Variants in GRM3 observed in about 807,000 individuals in gnomAD.
The protein encoded by GRM3 is metabotropic glutamate receptor 3.
GRM3 carries 26 observed loss-of-function variants against 70.5 expected under a neutral mutation model. That is an observed-to-expected ratio of 0.37 (90% CI 0.27 to 0.51). The LOEUF is 0.51. Ranked by LOEUF, GRM3 falls within the 20% of genes least tolerant of loss-of-function variation. The probability of loss-of-function intolerance (pLI) is 0.93; values close to 1 mark genes in which losing one functional copy is unlikely to be tolerated. For synonymous variants in GRM3, 443 were observed against 434.9 expected (o/e 1.02, Z -0.23); for missense variants, 859 against 1,123.8 (o/e 0.76, Z 3.37).
intron 1 of GRM3, among the ~76,000 whole-genome samples, chr7:86,658,863 A>T (rs1016554776): frequency 6.6e-6 from 1 of 152,116 alleles, no homozygotes; most frequent in East Asian, 1.9e-4. Flanking sequence ...AAAAAAAAAA[A>T]AAGTAATTAG....
chr7:86,845,291 T>C (rs528801818), intron 4 of GRM3, among the ~76,000 whole-genome samples: 9 of 152,304 alleles, frequency 5.9e-5, no homozygotes, highest in African/African-American at 2.2e-4. Context: ...TGCCTTAGGA[T>C]CAAATATACA....
chr7:86,810,483 A>G (rs574685671), intron 3 of GRM3, among the ~76,000 whole-genome samples: 1 of 152,164 alleles, frequency 6.6e-6, no homozygotes, highest in South Asian at 2.1e-4. Context: ...ACTGAAAATA[A>G]CAAGGTAATC....
intron 3 of GRM3, among the ~76,000 whole-genome samples, chr7:86,796,829 G>A (rs1797561567): frequency 6.6e-6 from 1 of 152,114 alleles, no homozygotes. Flanking sequence ...ACATGTCATG[G>A]AAGGGACTCA....
chr7:86,695,302 A>G (rs1043793414), intron 1 of GRM3, among the ~76,000 whole-genome samples: 9 of 152,194 alleles, frequency 5.9e-5, no homozygotes, highest in African/African-American at 1.7e-4. Flanking sequence ...CTGATTTGAT[A>G]GCTTCTTCAG....
In GRM3 at chr7:86,765,409, A is replaced by G. The variant is rs770014717; in HGVS notation, c.264A>G (p.Gly88=). ...ACAAAGATGATTACTTGCTACCAGGAGTGAAGTTGGGTGTTCACATTTTGG... is the reference window on the plus strand; with the variant it reads ...ACAAAGATGATTACTTGCTACCAGGGGTGAAGTTGGGTGTTCACATTTTGG... ...EINKDDYLLP[G]VKLGVHILDT... The change falls in exon 2 of 6, where the codon GGA becomes GGG. Residue 88 remains glycine, a synonymous_variant. Transcript: ENST00000361669. The G allele has an allele frequency of 1.9e-6, 3 of 1,613,852 alleles. No homozygotes were observed. The highest frequency in any genetic ancestry group is 2.7e-5 in the African/African-American group (2 of 74,910).
At chr7:86,750,629 C>T (rs955648678) in intron 1 of GRM3, among the ~76,000 whole-genome samples, 1 of 151,558 alleles carries the variant, frequency 6.6e-6, no homozygotes, top group Non-Finnish European at 1.5e-5. Flanking sequence ...ATATTTGCAT[C>T]GTTCAAGTGA....
chr7:86,705,132 A>T (rs997636362), intron 1 of GRM3, among the ~76,000 whole-genome samples: 4 of 151,996 alleles, frequency 2.6e-5, no homozygotes, highest in Non-Finnish European at 2.9e-5. Context: ...AAAATCTGGT[A>T]GGTAATGCTA....
chr7:86,821,992 T>C (rs959696578), intron 3 of GRM3, among the ~76,000 whole-genome samples: 1 of 151,684 alleles, frequency 6.6e-6, no homozygotes, highest in African/African-American at 2.4e-5. Context: ...TTCAAAGAAG[T>C]GAAAATTCAA....
chr7:86,767,433 A>C (rs1229103901), intron 2 of GRM3, among the ~76,000 whole-genome samples: 1 of 149,126 alleles, frequency 6.7e-6, no homozygotes, highest in Non-Finnish European at 1.5e-5. Flanking sequence ...ACATCATGTT[A>C]ATTTTGCCAC....
In GRM3 at chr7:86,786,165, G is replaced by A. The variant is rs996210448; in HGVS notation, c.469-96G>A. On this transcript the variant is annotated intron_variant, in intron 2 of 5. Transcript: ENST00000361669. This position sits in a 1 kb window ranked among gnomAD's most constrained non-coding sequence, Gnocchi z 6.0. Reference sequence around the variant, plus strand: ...GTAGCCATCTAGAGTAGAGGGAAAAGGGAGTCAGTAAAAGGTGTGGATGCT... The same window carrying A: ...GTAGCCATCTAGAGTAGAGGGAAAAAGGAGTCAGTAAAAGGTGTGGATGCT... The A allele has an allele frequency of 2.8e-5, 28 of 1,015,934 alleles. No homozygotes were observed. Among genetic ancestry groups the A allele is most frequent in the Non-Finnish European group, 3.8e-5 (26 of 680,594 alleles). 62.9% of individuals were successfully genotyped at this position (1,015,934 alleles called of 1,614,324 possible). A position where few individuals can be genotyped will look rare whatever the true frequency, so the allele number is the denominator to read the frequency against.
chr7:86,708,121 C>T (rs951201160), intron 1 of GRM3, among the ~76,000 whole-genome samples: 1 of 152,168 alleles, frequency 6.6e-6, no homozygotes, highest in African/African-American at 2.4e-5. Context: ...TCTTAATTAA[C>T]TATGGCACTG....
chr7:86,831,541 C>T lies in GRM3; in HGVS notation c.1325-7298C>T, dbSNP rs1351724468. On this transcript the variant is annotated intron_variant, in intron 3 of 5. Transcript: ENST00000361669. ...TCAAATAAATCAGGTTAGCCCTGTCCCCTGAATTGCGGGTAGGAGGATTGG... is the reference window on the plus strand; with the variant it reads ...TCAAATAAATCAGGTTAGCCCTGTCTCCTGAATTGCGGGTAGGAGGATTGG... Among the ~76,000 whole-genome samples the T allele has an allele frequency of 2.0e-5, 3 of 151,992 alleles. 1 individual carries two copies. The highest frequency in any genetic ancestry group is 4.4e-5 in the Non-Finnish European group (3 of 68,018).
chr7:86,738,875 T>C (rs1199285222), intron 1 of GRM3, among the ~76,000 whole-genome samples: 1 of 152,234 alleles, frequency 6.6e-6, no homozygotes, highest in African/African-American at 2.4e-5. Context: ...TTACCTTATA[T>C]ACCTGGTTTT....
chr7:86,789,417 A>G (rs1325760874), intron 3 of GRM3, among the ~76,000 whole-genome samples: 1 of 152,228 alleles, frequency 6.6e-6, no homozygotes, highest in Non-Finnish European at 1.5e-5. Flanking sequence ...CCTGTATATG[A>G]CTAAATATAT....
At chr7:86,816,843 G>T (rs1798026441) in intron 3 of GRM3, among the ~76,000 whole-genome samples, 1 of 151,924 alleles carries the variant, frequency 6.6e-6, no homozygotes, top group African/African-American at 2.4e-5. Context: ...TTACGAGTCT[G>T]TATTTGAAAG....
intron 1 of GRM3, among the ~76,000 whole-genome samples, chr7:86,662,644 C>T (rs1340647586): frequency 6.6e-6 from 1 of 151,876 alleles, no homozygotes; most frequent in South Asian, 2.1e-4. Flanking sequence ...TCGGCTCAAA[C>T]ATTTTTCTCA....
intron 1 of GRM3, among the ~76,000 whole-genome samples, chr7:86,681,659 C>T (rs11979924): frequency 0.039 from 6,002 of 152,072 alleles, 411 homozygotes; most frequent in African/African-American, 0.14. Context: ...AATAGTATAA[C>T]GTCTCTGGTA....
chr7:86,676,069 C>T (rs1159054112), intron 1 of GRM3, among the ~76,000 whole-genome samples: 1 of 149,790 alleles, frequency 6.7e-6, no homozygotes, highest in Non-Finnish European at 1.5e-5. Context: ...GGGGAACAAA[C>T]AAAAAAAAAC....
In GRM3 at chr7:86,733,271, G is replaced by A. The variant is rs542365325; in HGVS notation, c.-140-31735G>A. ...GGAGCTTGCAGTGAGGCAAGATCAT[G>A]CCACTGCACTCCAGCCTGGGCAACA... On this transcript the variant is annotated intron_variant, in intron 1 of 5. Coordinates refer to ENST00000361669, the MANE Select transcript of GRM3 (RefSeq NM_000840.3). Among the ~76,000 whole-genome samples, 27 of 149,954 alleles carry A rather than the reference G, an allele frequency of 1.8e-4. 1 individual carries two copies. The highest frequency in any genetic ancestry group is 6.7e-4 in the African/African-American group (27 of 40,438).
Sources: allele counts gnomAD v4.1 joint callset (sites outside exome capture counted in the v4.1 genomes callset), GRCh38; gene constraint gnomAD v4.1.1; non-coding constraint Gnocchi (gnomAD v3.1); transcripts MANE v1.5; gene names NCBI Gene and HGNC (gene_info 2026-07-23, HGNC 2026-07-21).